Variants in DCAF6 observed in about 807,000 individuals in gnomAD.
DCAF6 encodes DDB1- and CUL4-associated factor 6.
A neutral mutation model predicts 125.1 loss-of-function variants in DCAF6; 54 were observed. That is an observed-to-expected ratio of 0.43 (90% CI 0.35 to 0.54). The LOEUF is 0.54. Ranked by LOEUF, DCAF6 falls within the 20% of genes least tolerant of loss-of-function variation. The probability of loss-of-function intolerance (pLI) is 0.01; values close to 1 mark genes in which losing one functional copy is unlikely to be tolerated. For synonymous variants in DCAF6, 371 were observed against 390.4 expected (o/e 0.95, Z 0.58); for missense variants, 934 against 1,161.7 (o/e 0.80, Z 2.85).
At chr1:168,019,360 T>C (rs1263796240) in intron 11 of DCAF6, among the ~76,000 whole-genome samples, 1 of 152,164 alleles carries the variant, frequency 6.6e-6, no homozygotes, top group African/African-American at 2.4e-5. Flanking sequence ...TAATGTACTA[T>C]CTTAATTGTA....
chr1:167,962,296 T>G (rs1235622474), intron 2 of DCAF6, among the ~76,000 whole-genome samples: 1 of 152,032 alleles, frequency 6.6e-6, no homozygotes, highest in Non-Finnish European at 1.5e-5. Context: ...AATTGAAGTC[T>G]CCAGGTATCA....
intron 13 of DCAF6, among the ~76,000 whole-genome samples, chr1:168,041,732 A>T (rs1211175897): frequency 6.6e-6 from 1 of 151,922 alleles, no homozygotes; most frequent in Non-Finnish European, 1.5e-5. Flanking sequence ...ACTCAGTACC[A>T]TAATATTTTA....
chr1:168,067,715 G>A (rs1387332287), intron 20 of DCAF6, among the ~76,000 whole-genome samples: 1 of 152,178 alleles, frequency 6.6e-6, no homozygotes, highest in African/African-American at 2.4e-5. Context: ...GGGAACTGTT[G>A]ATCAGAGTAG....
the DCAF6 span, chr1:167,917,054 C>G: frequency 6.6e-6 from 1 of 152,158 alleles, no homozygotes; most frequent in African/African-American, 2.4e-5. Context: ...CTCATTTCTT[C>G]AAATTTTGAA....
At position 167,984,377 on chromosome 1, in the gene DCAF6, A is replaced by G. The variant is rs114209044; in HGVS notation, c.439-3118A>G. Among the ~76,000 whole-genome samples the G allele has an allele frequency of 6.3e-3, 964 of 152,306 alleles. 4 individuals carry two copies. The highest frequency in any genetic ancestry group is 9.9e-3 in the Admixed American group (151 of 15,298). The stretch of plus-strand genomic sequence containing the variant: ...AAGGCATTAATTATAAGAAATAGAT[A>G]CATGTTTTAATAATTTAATTTTATA... On this transcript the variant is annotated intron_variant, in intron 4 of 21. Transcript: ENST00000367840.
the DCAF6 span, among the ~76,000 whole-genome samples, chr1:167,900,953 A>G: frequency 6.6e-6 from 1 of 152,200 alleles, no homozygotes; most frequent in Non-Finnish European, 1.5e-5. Context: ...TAAGTTTTGC[A>G]AAGTTTAGTT....
intron 1 of DCAF6, among the ~76,000 whole-genome samples, chr1:167,944,364 T>C (rs954966860): frequency 4.6e-5 from 7 of 152,264 alleles, no homozygotes; most frequent in Non-Finnish European, 1.0e-4. Flanking sequence ...AAGATAGTTC[T>C]ATTTTTAATT....
At chr1:167,890,774 T>C in the DCAF6 span, among the ~76,000 whole-genome samples, 1 of 152,198 alleles carries the variant, frequency 6.6e-6, no homozygotes, top group Non-Finnish European at 1.5e-5. Flanking sequence ...AGGTATCTTC[T>C]GGAATGTTTT....
intron 15 of DCAF6, 98 bp downstream of exon 15, chr1:168,044,769 T>C (rs1688955591): frequency 7.1e-7 from 1 of 1,402,388 alleles, no homozygotes. Context: ...TCAAGTGTAT[T>C]GTGGAAGTTT....
chr1:168,073,836 T>G (rs184421527), intron 21 of DCAF6, among the ~76,000 whole-genome samples: 13 of 151,562 alleles, frequency 8.6e-5, no homozygotes, highest in Admixed American at 3.3e-4. Context: ...ACAATGTAAT[T>G]TTTTTTATAC....
the DCAF6 span, among the ~76,000 whole-genome samples, chr1:167,921,140 GTGTGATGC>G: frequency 1.3e-5 from 2 of 152,016 alleles, no homozygotes; most frequent in African/African-American, 4.8e-5. Context: ...TGGGTATATT[GTGTGATGC>G]TGAGGTTTGG....
chr1:167,901,926 T>C, the DCAF6 span: 1 of 1,605,402 alleles, frequency 6.2e-7, no homozygotes, highest in Non-Finnish European at 8.5e-7. Flanking sequence ...GCCACTCCCT[T>C]CTCTAGGATG....
chr1:168,072,294 T>TAAAAAAAAAAAAAAAAAAAAAAA (rs59674650), intron 21 of DCAF6, among the ~76,000 whole-genome samples: 3 of 41,016 alleles, frequency 7.3e-5, no homozygotes, highest in African/African-American at 2.5e-4. Context: ...AGAATCAGTC[T>TAAAAAAAAAAAAAAAAAAAAAAA]AAAAAAAAAA....
intron 17 of DCAF6, among the ~76,000 whole-genome samples, chr1:168,057,758 C>T (rs763628772): frequency 3.9e-5 from 6 of 152,016 alleles, no homozygotes; most frequent in Non-Finnish European, 7.4e-5. Context: ...TATTAAGGAC[C>T]CCTAATCTAA....
chr1:167,966,169 T>C (rs550565803), intron 2 of DCAF6, among the ~76,000 whole-genome samples: 1 of 152,328 alleles, frequency 6.6e-6, no homozygotes, highest in South Asian at 2.1e-4. Flanking sequence ...GTTATTGATT[T>C]TACAGTTTGT....
chr1:168,066,394 A>G lies in DCAF6; in HGVS notation c.2614A>G (p.Ile872Val), dbSNP rs765398426. The G allele has an allele frequency of 6.2e-7, 1 of 1,605,094 alleles. No individual in the cohort carries two copies. The highest frequency in any genetic ancestry group is 8.5e-7 in the Non-Finnish European group (1 of 1,175,626). ...PFDPILASSG[I>V]DYDIKIWSPL... The stretch of plus-strand genomic sequence containing the variant: ...ATTTCTAGTTTTAGCCTCATCTGGC[A>G]TAGATTATGACATAAAGATCTGGTC... The change falls in exon 20 of 22, where the codon ATA becomes GTA. Residue 872 changes from isoleucine to valine, a missense_variant. Around this residue, in one of 5 missense-constraint regions of DCAF6, gnomAD observed 27 missense variants for 85.1 expected, o/e 0.32. Transcript: ENST00000367840.
At chr1:167,866,244 G>C in the DCAF6 span, among the ~76,000 whole-genome samples, 4 of 152,172 alleles carry the variant, frequency 2.6e-5, no homozygotes, top group Non-Finnish European at 5.9e-5. Context: ...GGAAAAATAA[G>C]ACATCGTAAA....
At chr1:168,062,658 T>A (rs1165062406) in intron 17 of DCAF6, among the ~76,000 whole-genome samples, 3 of 152,052 alleles carry the variant, frequency 2.0e-5, no homozygotes, top group African/African-American at 4.8e-5. Context: ...ACGTCTGGTC[T>A]GTTATATGTC....
chr1:167,915,183 A>G, the DCAF6 span, among the ~76,000 whole-genome samples: 3 of 152,182 alleles, frequency 2.0e-5, no homozygotes, highest in African/African-American at 7.2e-5. Flanking sequence ...GAAAATATTT[A>G]CTATGAGGAA....
Sources: allele counts gnomAD v4.1 joint callset (sites outside exome capture counted in the v4.1 genomes callset), GRCh38; gene constraint gnomAD v4.1.1; regional missense constraint gnomAD v4.1.1; transcripts MANE v1.5; gene names NCBI Gene and HGNC (gene_info 2026-07-23, HGNC 2026-07-21).